The following SNX12 variants were observed in gnomAD, a reference collection of about 807,000 sequenced individuals.
SNX12 encodes sorting nexin-12.
For synonymous variants in SNX12, 47 were observed against 56.0 expected (o/e 0.84, Z 0.71); for missense variants, 62 against 141.3 (o/e 0.44, Z 2.84).
upstream of SNX12, among the ~76,000 whole-genome samples, chrX:71,068,748 G>T (rs1355944790): frequency 1.8e-5 from 2 of 112,343 alleles, no homozygotes; most frequent in Non-Finnish European, 1.9e-5. Context: ...ATAAGTCCTG[G>T]TTTTCCGCGA....
At chrX:71,061,307 A>G (rs2092130385) in intron 3 of SNX12, among the ~76,000 whole-genome samples, 189 bp from the exon 4 acceptor site, 1 of 111,449 alleles carries the variant, frequency 9.0e-6, no homozygotes. Flanking sequence ...CAAGACAGGG[A>G]AATCCCTAGA....
chrX:71,071,217 T>G (rs1389235673), upstream of SNX12, among the ~76,000 whole-genome samples: 6 of 107,051 alleles, frequency 5.6e-5, no homozygotes, highest in Non-Finnish European at 1.2e-4. Flanking sequence ...CTTGTGTAAA[T>G]GGCCTAATTT....
upstream of SNX12, among the ~76,000 whole-genome samples, chrX:71,069,615 G>T (rs368125422): frequency 6.2e-5 from 7 of 112,158 alleles, no homozygotes; most frequent in African/African-American, 2.3e-4. Context: ...AATAGGAGTG[G>T]AAATAGGGAA....
chrX:71,063,245 C>G (rs759999170), intron 1 of SNX12, among the ~76,000 whole-genome samples: 3 of 111,355 alleles, frequency 2.7e-5, no homozygotes, highest in Non-Finnish European at 5.7e-5. Flanking sequence ...GCCTGTAATC[C>G]CAGCACTTTT....
chrX:71,071,713 TATAA>T (rs2092174582), upstream of SNX12, among the ~76,000 whole-genome samples: 1 of 74,013 alleles, frequency 1.4e-5, no homozygotes, highest in African/African-American at 5.5e-5. Context: ...TATATAGATA[TATAA>T]ATATATATAT....
upstream of SNX12, among the ~76,000 whole-genome samples, chrX:71,071,572 T>TATTA (rs1267267665): frequency 8.5e-5 from 4 of 47,150 alleles, no homozygotes; most frequent in Admixed American, 1.5e-3. Flanking sequence ...TATTTATATA[T>TATTA]TATATATATA....
At chrX:71,065,893 C>T (rs960951612) in intron 1 of SNX12, among the ~76,000 whole-genome samples, 2 of 108,860 alleles carry the variant, frequency 1.8e-5, no homozygotes, top group Admixed American at 9.8e-5. Flanking sequence ...GCAGGAGAAT[C>T]GCCTGAACCT....
At chrX:71,062,270 C>T (rs2092134359) in intron 2 of SNX12, among the ~76,000 whole-genome samples, 1 of 110,825 alleles carries the variant, frequency 9.0e-6, no homozygotes, top group South Asian at 3.8e-4. Flanking sequence ...ACTAGACTTT[C>T]CATTTTTAGC....
intron 2 of SNX12, among the ~76,000 whole-genome samples, chrX:71,062,368 C>CTTTTTTT (rs761195647): frequency 3.4e-4 from 24 of 71,390 alleles, no homozygotes; most frequent in African/African-American, 6.7e-4. Flanking sequence ...TTACCACTTT[C>CTTTTTTT]TTTTTTTTTT....
intron 1 of SNX12, among the ~76,000 whole-genome samples, chrX:71,065,357 C>CAAAAAAAAAAA (rs34405331): frequency 1.8e-5 from 1 of 56,120 alleles, no homozygotes; most frequent in Non-Finnish European, 3.2e-5. Context: ...GACTTTGTCT[C>CAAAAAAAAAAA]AAAAAAAAAA....
At chrX:71,071,439 A>G (rs1186976508), upstream of SNX12, among the ~76,000 whole-genome samples, 1 of 83,103 alleles carries the variant, frequency 1.2e-5, no homozygotes, top group African/African-American at 4.5e-5. Context: ...AATTATATAT[A>G]ATTAAATATA....
At chrX:71,068,703 C>T (rs756863219), upstream of SNX12, among the ~76,000 whole-genome samples, 249 of 113,028 alleles carry the variant, frequency 2.2e-3, 2 homozygotes, top group Non-Finnish European at 4.1e-3. Context: ...GTGAGCCAGG[C>T]TCCTACAGTG....
Position 71,061,104 on chromosome X carries a change from G to T in SNX12, c.401C>A (p.Pro134Gln), listed in dbSNP as rs2092129595. Reference sequence around the variant, plus strand: ...TAGGCAGCGTTCATTCTGAGCCAGTGGGTGCCCAGCAATTCTATAAAGAAA... The same window carrying T: ...TAGGCAGCGTTCATTCTGAGCCAGTTGGTGCCCAGCAATTCTATAAAGAAA... ...EQFINKIAGH[P>Q]LAQNERCLHM... The change falls in exon 4 of 4, where the codon CCA (proline) becomes CAA (glutamine). Residue 134 changes from proline to glutamine, a missense_variant. Coordinates refer to ENST00000374274, the MANE Select transcript of SNX12 (RefSeq NM_013346.4). 8.3e-7 allele frequency: 1 copy of T among 1,203,143 alleles called. No individual in the cohort carries two copies. The highest frequency in any genetic ancestry group is 1.8e-5 in the African/African-American group (1 of 56,967).
At chrX:71,065,211 AAC>A (rs2092147177) in intron 1 of SNX12, among the ~76,000 whole-genome samples, 1 of 108,774 alleles carries the variant, frequency 9.2e-6, no homozygotes, top group South Asian at 4.0e-4. Context: ...CTCTACTAAA[AAC>A]ACAAAAATTA....
At chrX:71,073,182 G>C (rs2092178346), upstream of SNX12, 1 of 111,462 alleles carries the variant, frequency 9.0e-6, no homozygotes, top group African/African-American at 3.3e-5. Flanking sequence ...GCCAAAAGGA[G>C]TCAAGAATGG....
upstream of SNX12, chrX:71,068,465 C>G: frequency 2.8e-6 from 1 of 361,893 alleles, no homozygotes; most frequent in Non-Finnish European, 4.5e-6. Flanking sequence ...GCCGCACGGG[C>G]CTGGGCCCCG....
At chrX:71,061,367 T>A (rs777175804) in intron 3 of SNX12, among the ~76,000 whole-genome samples, 35 of 111,951 alleles carry the variant, frequency 3.1e-4, no homozygotes, top group Non-Finnish European at 5.5e-4. Flanking sequence ...AGGATCAGAA[T>A]CCTACTCAAA....
upstream of SNX12, among the ~76,000 whole-genome samples, chrX:71,072,784 A>C (rs369551377): frequency 1.4e-3 from 156 of 111,012 alleles, no homozygotes; most frequent in African/African-American, 4.8e-3. Context: ...ATGAGGTGTA[A>C]ATAAATGATA....
upstream of SNX12, among the ~76,000 whole-genome samples, chrX:71,071,601 A>AT (rs1569477480): frequency 2.5e-3 from 153 of 61,331 alleles, no homozygotes; most frequent in Middle Eastern, 8.1e-3. Flanking sequence ...ATATTTATAT[A>AT]TATTATATAT....
Sources: gnomAD v4.1 joint callset for allele counts (sites outside exome capture counted in the v4.1 genomes callset) on GRCh38, gnomAD v4.1.1 for gene constraint, MANE v1.5 for transcripts, NCBI Gene and HGNC (gene_info 2026-07-23, HGNC 2026-07-21) for gene names.